DIAPH2: variants seen among roughly 807,000 people sequenced by gnomAD.
DIAPH2 encodes the protein diaphanous related formin 2.
In DIAPH2, 35 loss-of-function variants were observed where a neutral mutation model predicts 92.7. The observed-to-expected ratio is 0.38, with a 90% CI of 0.29 to 0.50. The LOEUF (loss-of-function observed/expected upper bound fraction) is 0.50. Among genes scored for constraint, DIAPH2 ranks in the 20% least tolerant of loss-of-function variants. The probability of loss-of-function intolerance (pLI) is 0.94; values close to 1 mark genes in which losing one functional copy is unlikely to be tolerated. For missense variants in DIAPH2, 701 were observed against 819.5 expected (o/e 0.86, Z 1.77); for synonymous variants, 301 against 280.4 (o/e 1.07, Z -0.73).
intron 4 of DIAPH2, among the ~76,000 whole-genome samples, chrX:96,859,176 C>T (rs1180538935): frequency 1.8e-5 from 2 of 110,896 alleles, no homozygotes; most frequent in Non-Finnish European, 3.8e-5. Flanking sequence ...AAAAAGGTCA[C>T]ATTCATAATA....
At chrX:97,117,648 T>C (rs2067025779) in intron 21 of DIAPH2, among the ~76,000 whole-genome samples, 1 of 112,385 alleles carries the variant, frequency 8.9e-6, no homozygotes, top group Admixed American at 9.4e-5. Flanking sequence ...TTATCAGATG[T>C]ATCTTGTAGT....
At chrX:96,832,727 A>G (rs2064863077) in intron 4 of DIAPH2, among the ~76,000 whole-genome samples, 1 of 111,807 alleles carries the variant, frequency 8.9e-6, no homozygotes, top group African/African-American at 3.2e-5. Flanking sequence ...AGACTGGGAA[A>G]GTTCCCTGAA....
chrX:97,241,869 G>A (rs758779993), intron 22 of DIAPH2, among the ~76,000 whole-genome samples: 7 of 99,479 alleles, frequency 7.0e-5, no homozygotes, highest in African/African-American at 1.9e-4. Context: ...TTTGCCTCCC[G>A]GATTCCAGCG....
At chrX:97,272,438 A>T (rs2068397390) in intron 23 of DIAPH2, among the ~76,000 whole-genome samples, 1 of 112,229 alleles carries the variant, frequency 8.9e-6, no homozygotes, top group African/African-American at 3.2e-5. Flanking sequence ...AAGAAAAGAA[A>T]AGAAAACTTT....
intron 5 of DIAPH2, among the ~76,000 whole-genome samples, chrX:96,892,172 A>G (rs2065311764): frequency 8.9e-6 from 1 of 111,915 alleles, no homozygotes; most frequent in Admixed American, 9.5e-5. Flanking sequence ...GAAAGTTAAT[A>G]TAAAGGTAGG....
intron 22 of DIAPH2, among the ~76,000 whole-genome samples, chrX:97,240,605 C>CAAAAAAAAA (rs774748522): frequency 2.9e-5 from 2 of 67,962 alleles, no homozygotes; most frequent in African/African-American, 1.2e-4. Context: ...GACTGCATCT[C>CAAAAAAAAA]AAAAAAAAAA....
chrX:97,510,819 T>G (rs1328480452), intron 26 of DIAPH2, among the ~76,000 whole-genome samples: 5 of 95,268 alleles, frequency 5.2e-5, no homozygotes, highest in African/African-American at 1.5e-4. Flanking sequence ...CAGATAGTTG[T>G]AGATATGCGG....
chrX:96,730,390 T>A (rs780151009), intron 1 of DIAPH2, among the ~76,000 whole-genome samples: 4 of 111,667 alleles, frequency 3.6e-5, no homozygotes, highest in Admixed American at 9.5e-5. Flanking sequence ...ACCAGGTGAT[T>A]GGCCTTGAGT....
At chrX:97,579,260 G>A (rs1479927909) in intron 26 of DIAPH2, among the ~76,000 whole-genome samples, 1 of 110,256 alleles carries the variant, frequency 9.1e-6, no homozygotes, top group African/African-American at 3.3e-5. Context: ...CCTATGTCCT[G>A]AATGGTAATG....
intron 23 of DIAPH2, among the ~76,000 whole-genome samples, chrX:97,321,857 G>GCCAGA (rs2068900753): frequency 9.0e-6 from 1 of 111,672 alleles, no homozygotes; most frequent in African/African-American, 3.2e-5. Context: ...CCATGTATGT[G>GCCAGA]TCTTAAATGG....
intron 22 of DIAPH2, among the ~76,000 whole-genome samples, chrX:97,237,891 G>C (rs1365840240): frequency 8.9e-6 from 1 of 112,489 alleles, no homozygotes; most frequent in Admixed American, 9.4e-5. Flanking sequence ...CGCAAAAAAA[G>C]ATTTTTCTTG....
At chrX:97,185,269 T>C in intron 22 of DIAPH2, among the ~76,000 whole-genome samples, 1 of 76,047 alleles carries the variant, frequency 1.3e-5, no homozygotes, top group Non-Finnish European at 2.4e-5. Flanking sequence ...CACTGCACTC[T>C]GGGAGACAGA....
intron 4 of DIAPH2, among the ~76,000 whole-genome samples, chrX:96,806,367 T>C (rs1051183746): frequency 1.8e-5 from 2 of 110,734 alleles, no homozygotes; most frequent in Non-Finnish European, 3.8e-5. Context: ...TATTTCATAG[T>C]CGGGTGTGGT....
rs1556226225 is a variant in DIAPH2, at chrX:97,553,683, A to AAG, written c.3242-45569_3242-45568insGA. On this transcript the variant is annotated intron_variant, in intron 26 of 26. Transcript: ENST00000324765. ...TGAGTAGGTTAAAAAAAAAAAAAAA[A>AAG]AAGAAGAAGAAGAAGAAAATGGCTG... Among the ~76,000 whole-genome samples the AAG allele has an allele frequency of 3.1e-3, 330 of 106,586 alleles. 2 individuals carry two copies. The highest frequency in any genetic ancestry group is 0.011 in the African/African-American group (316 of 29,688). The allele number at this position is 106,586 out of a possible 115,157, so 92.6% of individuals were successfully genotyped here. A position where few individuals can be genotyped will look rare whatever the true frequency, so the allele number is the denominator to read the frequency against.
intron 4 of DIAPH2, among the ~76,000 whole-genome samples, chrX:96,764,919 C>T (rs1347631804): frequency 9.0e-6 from 1 of 110,707 alleles, no homozygotes; most frequent in African/African-American, 3.3e-5. Flanking sequence ...CTGGAAGCAG[C>T]CTGTATTTCT....
At chrX:96,939,014 C>G (rs1014083261) in intron 11 of DIAPH2, among the ~76,000 whole-genome samples, 1 of 111,439 alleles carries the variant, frequency 9.0e-6, no homozygotes, top group Admixed American at 9.5e-5. Flanking sequence ...ATATGTATAA[C>G]GGATCATTTA....
intron 4 of DIAPH2, among the ~76,000 whole-genome samples, chrX:96,798,978 C>T (rs1476439070): frequency 9.0e-6 from 1 of 110,608 alleles, no homozygotes; most frequent in African/African-American, 3.3e-5. Flanking sequence ...TGTGCCCATT[C>T]TCGTGGAGTC....
intron 4 of DIAPH2, among the ~76,000 whole-genome samples, chrX:96,799,053 A>AACT (rs953758329): frequency 9.9e-6 from 1 of 100,590 alleles, no homozygotes; most frequent in African/African-American, 3.5e-5. Context: ...AGATATCTGG[A>AACT]ACTGTTTTTT....
intron 22 of DIAPH2, among the ~76,000 whole-genome samples, chrX:97,193,012 C>CTTTTCTTTTTTTTTTTTTTTT (rs1256888466): frequency 6.9e-5 from 6 of 86,589 alleles, no homozygotes; most frequent in African/African-American, 3.0e-4. Flanking sequence ...TTTTTCTTTT[C>CTTTTCTTTTTTTTTTTTTTTT]TTTTTTTTTT....
Sources: gnomAD v4.1 joint callset for allele counts (sites outside exome capture counted in the v4.1 genomes callset) on GRCh38, gnomAD v4.1.1 for gene constraint, MANE v1.5 for transcripts, NCBI Gene and HGNC (gene_info 2026-07-23, HGNC 2026-07-21) for gene names.